CES5A: variants seen among roughly 807,000 people sequenced by gnomAD.
CES5A encodes carboxylesterase 5A.
Under a neutral mutation model 62.9 loss-of-function variants are expected in CES5A, and 67 were observed. That is an observed-to-expected ratio of 1.07 (90% confidence interval 0.88 to 1.31). CES5A has a LOEUF of 1.31. CES5A is among the 50% of genes most tolerant of loss of function. The probability of loss-of-function intolerance (pLI) is 0.00; values close to 1 mark genes in which losing one functional copy is unlikely to be tolerated. For synonymous variants in CES5A, 296 were observed against 280.8 expected (o/e 1.05, Z -0.54); for missense variants, 748 against 708.5 (o/e 1.06, Z -0.63).
Position 55,849,633 on chromosome 16 carries a change from C to A in CES5A, c.1414G>T (p.Val472Phe). ...GTGGCCAGTCCCTTACCGAACATAA[C>A]AATGTCCCCCTTCAGGAAGGCACCA... ...FGGAFLKGDIVMFEGATEEEK... is the reference protein window; with the variant it reads ...FGGAFLKGDIFMFEGATEEEK... Residue 472 changes from valine (V) to phenylalanine (F), a missense_variant, in exon 11 of 13, where the codon GTT becomes TTT. Physicochemically the swap from Val to Phe is conservative, Grantham distance 50. Coordinates refer to ENST00000290567, the MANE Select transcript of CES5A (RefSeq NM_001143685.2). 1.9e-6 allele frequency: 3 copies of A among 1,613,988 alleles called. No individual in the cohort carries two copies. Among genetic ancestry groups the A allele is most frequent in the Non-Finnish European group, 2.5e-6 (3 of 1,179,878 alleles).
chr16:55,875,431 A>G (rs1392096196), upstream of CES5A: 4 of 1,218,630 alleles, frequency 3.3e-6, no homozygotes, highest in Admixed American at 1.4e-4. Flanking sequence ...TAAGAAGCTG[A>G]TGATTAACTA....
upstream of CES5A, among the ~76,000 whole-genome samples, chr16:55,879,029 GCTGCACCCCATCACTGCACCCACATCA>G (rs1465455983): frequency 9.2e-6 from 1 of 108,572 alleles, no homozygotes; most frequent in Non-Finnish European, 1.9e-5. Flanking sequence ...GCACCCCATT[GCTGCACCCCATCACTGCACCCACATCA>G]CTGCACCCCA....
chr16:55,873,703 A>C (rs1372127561), intron 2 of CES5A, 130 bp downstream of exon 2: 9 of 823,052 alleles, frequency 1.1e-5, no homozygotes, highest in Non-Finnish European at 1.7e-5. Context: ...CACTCGCCCG[A>C]GTCTCAAGCC....
chr16:55,857,404 A>C (rs1468870017), intron 8 of CES5A, among the ~76,000 whole-genome samples: 7 of 152,216 alleles, frequency 4.6e-5, no homozygotes, highest in Middle Eastern at 3.2e-3. Flanking sequence ...GAGGCAGCAG[A>C]AACGCTATCC....
intron 1 of CES5A, among the ~76,000 whole-genome samples, chr16:55,913,494 G>A (rs1387784124): frequency 1.3e-5 from 2 of 152,156 alleles, no homozygotes; most frequent in Non-Finnish European, 2.9e-5. Context: ...AAGCAGACTG[G>A]TCCCCAGGAA....
chr16:55,897,835 T>A (rs1298472618), intron 1 of CES5A, among the ~76,000 whole-genome samples: 1 of 152,142 alleles, frequency 6.6e-6, no homozygotes, highest in Non-Finnish European at 1.5e-5. Context: ...TAAAGAAATG[T>A]AGTAGTAGGA....
At chr16:55,870,607 G>A (rs2033562339) in intron 3 of CES5A, among the ~76,000 whole-genome samples, 1 of 151,816 alleles carries the variant, frequency 6.6e-6, no homozygotes, top group South Asian at 2.1e-4. Flanking sequence ...CTGAGGCACA[G>A]GAATCCCTTG....
Position 55,915,349 on chromosome 16 carries a change from C to T in CES5A, c.-256+9974G>A, listed in dbSNP as rs148734192. Among the ~76,000 whole-genome samples, 260 of 152,062 alleles carry T rather than the reference C, an allele frequency of 1.7e-3. 2 individuals are homozygous for T. The highest frequency in any genetic ancestry group is 6.0e-3 in the African/African-American group (249 of 41,456). On this transcript the variant is annotated intron_variant, in intron 1 of 12. Coordinates refer to the CES5A transcript ENST00000518005. ...TGGGAGGCTGCAGAAGGGCTTTCAT[C>T]CTGGGCCAGGGAAGCGGGAGGAAAA...
chr16:55,871,200 C>G (rs769207450), intron 3 of CES5A, among the ~76,000 whole-genome samples: 2 of 152,050 alleles, frequency 1.3e-5, no homozygotes, highest in East Asian at 1.9e-4. Context: ...CTTACTGACA[C>G]GGGGATATTT....
upstream of CES5A, among the ~76,000 whole-genome samples, chr16:55,930,381 G>A (rs779202071): frequency 2.0e-5 from 3 of 152,250 alleles, no homozygotes; most frequent in Admixed American, 1.3e-4. Context: ...CCCTCTGCCT[G>A]GTACTTGATA....
At chr16:55,895,613 G>C (rs78377299) in intron 1 of CES5A, among the ~76,000 whole-genome samples, 3,839 of 152,136 alleles carry the variant, frequency 0.025, 52 homozygotes, top group Non-Finnish European at 0.03. Context: ...CAAATAACCT[G>C]TTGCTTTTTT....
At chr16:55,876,579 C>T (rs2033697392), upstream of CES5A, among the ~76,000 whole-genome samples, 1 of 152,150 alleles carries the variant, frequency 6.6e-6, no homozygotes, top group African/African-American at 2.4e-5. Flanking sequence ...TAAAGGGATA[C>T]AGCGATGAGG....
intron 7 of CES5A, 34 bp downstream of exon 7, chr16:55,861,378 A>C: frequency 2.4e-6 from 3 of 1,242,972 alleles, no homozygotes; most frequent in Non-Finnish European, 3.6e-6. Flanking sequence ...TCGAAGGGCA[A>C]GCCTGCCCCC....
chr16:55,894,318 C>A (rs2033909628), intron 1 of CES5A, among the ~76,000 whole-genome samples: 1 of 151,508 alleles, frequency 6.6e-6, no homozygotes, highest in Non-Finnish European at 1.5e-5. Context: ...ACCAGCCTGG[C>A]CAACATAGTG....
chr16:55,921,621 T>G (rs112154339), intron 1 of CES5A, among the ~76,000 whole-genome samples: 162 of 146,526 alleles, frequency 1.1e-3, no homozygotes, highest in African/African-American at 4.0e-3. Flanking sequence ...CTAAGAGAAG[T>G]TCTTCAATCT....
At chr16:55,943,599 T>TA (rs2034466068) in intron 2 of CES5A, among the ~76,000 whole-genome samples, 1 of 152,248 alleles carries the variant, frequency 6.6e-6, no homozygotes, top group Admixed American at 6.5e-5. Context: ...TTACAAATGC[T>TA]AAAAATATGC....
At chr16:55,881,943 C>T (rs2033766250) in intron 1 of CES5A, among the ~76,000 whole-genome samples, 4 of 152,050 alleles carry the variant, frequency 2.6e-5, no homozygotes, top group South Asian at 2.1e-4. Context: ...AACCAGGATG[C>T]CTTGTCCCAC....
At chr16:55,929,423 T>C (rs575060950), upstream of CES5A, among the ~76,000 whole-genome samples, 2 of 152,266 alleles carry the variant, frequency 1.3e-5, no homozygotes, top group African/African-American at 2.4e-5. Flanking sequence ...TCCCCTCCTG[T>C]CGCATTCAGA....
chr16:55,935,178 G>A (rs1314565686), intron 2 of CES5A, among the ~76,000 whole-genome samples: 1 of 152,168 alleles, frequency 6.6e-6, no homozygotes, highest in Non-Finnish European at 1.5e-5. Flanking sequence ...CCCAACCTTA[G>A]GTGATCCACC....
Sources: allele counts gnomAD v4.1 joint callset (sites outside exome capture counted in the v4.1 genomes callset), GRCh38; gene constraint gnomAD v4.1.1; transcripts MANE v1.5; gene names NCBI Gene and HGNC (gene_info 2026-07-23, HGNC 2026-07-21).